The following APPL1 variants were observed in gnomAD, a reference collection of about 807,000 sequenced individuals.
APPL1 encodes adaptor protein, phosphotyrosine interacting with PH domain and leucine zipper 1, also known as DCC-interacting protein 13-alpha.
In APPL1, 42 loss-of-function variants were observed where a neutral mutation model predicts 106.8. That is an observed-to-expected ratio of 0.39 (90% confidence interval 0.31 to 0.51). APPL1 has a LOEUF of 0.51. Ranked by LOEUF, APPL1 falls within the 20% of genes least tolerant of loss-of-function variation. The pLI is 0.75. For missense variants in APPL1, 769 were observed against 858.2 expected (o/e 0.90, Z 1.30); for synonymous variants, 263 against 281.8 (o/e 0.93, Z 0.67).
intron 17 of APPL1, 47 bp downstream of exon 17, chr3:57,260,066 G>A (rs370742705): frequency 4.2e-5 from 67 of 1,606,558 alleles, no homozygotes; most frequent in Non-Finnish European, 5.6e-5. Flanking sequence ...ACATTTACAT[G>A]ATTTCAGCCT....
chr3:57,230,754 T>C (rs1297423001), intron 1 of APPL1: 1 of 456,604 alleles, frequency 2.2e-6, no homozygotes, highest in African/African-American at 2.1e-5. Context: ...ATATGAAGAC[T>C]TTTAAAGCTC....
chr3:57,250,013 A>G (rs1045094302), intron 11 of APPL1, among the ~76,000 whole-genome samples: 1 of 152,268 alleles, frequency 6.6e-6, no homozygotes, highest in Non-Finnish European at 1.5e-5. Flanking sequence ...TGTGAGGAAC[A>G]GAAATTCTAA....
intron 1 of APPL1, among the ~76,000 whole-genome samples, chr3:57,232,669 T>G (rs1480365213): frequency 6.6e-6 from 1 of 152,096 alleles, no homozygotes; most frequent in Non-Finnish European, 1.5e-5. Context: ...AGAATGATAA[T>G]GTATAGGAAA....
Position 57,260,658 on chromosome 3 carries a change from A to G in APPL1, c.1726A>G (p.Thr576Ala). Residue 576 changes from threonine (T) to alanine (A), a missense_variant, in exon 19 of 22, where the codon ACA (threonine) becomes GCA (alanine). By Grantham distance (58) the Thr-to-Ala change is moderately conservative. Transcript: ENST00000288266. ...ATTACCTTGTGTAGTTTTGTATGCT[A>G]CACACCAGGAAAATAAGCGCCTTTT... ...FPLPCVVLYA[T>A]HQENKRLFGF... The G allele has an allele frequency of 6.2e-7, 1 of 1,612,710 alleles. No individual in the cohort carries two copies. Among genetic ancestry groups the G allele is most frequent in the Non-Finnish European group, 8.5e-7 (1 of 1,179,190 alleles).
At chr3:57,259,104 T>C (rs1251126491) in intron 16 of APPL1, 24 bp downstream of exon 16, 2 of 1,591,822 alleles carry the variant, frequency 1.3e-6, no homozygotes, top group Admixed American at 3.4e-5. Flanking sequence ...GCAGCATTCA[T>C]ATATTTTAGA....
At chr3:57,259,702 C>T (rs2060855179) in intron 16 of APPL1, 143 bp from the exon 17 acceptor site, 11 of 667,382 alleles carry the variant, frequency 1.6e-5, no homozygotes, top group Admixed American at 3.5e-5. Context: ...GAAATGTCTC[C>T]CTTAGGCTGT....
intron 13 of APPL1, among the ~76,000 whole-genome samples, chr3:57,255,283 G>A (rs1199585594): frequency 6.6e-6 from 1 of 152,156 alleles, no homozygotes; most frequent in Non-Finnish European, 1.5e-5. Context: ...GGCAACTCCT[G>A]GCTGATGATT....
rs1043528843 is a variant in APPL1, at chr3:57,271,132, CTTTT to C, written c.*1451_*1454del. On this transcript the variant is annotated 3_prime_UTR_variant, in exon 22 of 22. Coordinates refer to ENST00000288266, the MANE Select transcript of APPL1 (RefSeq NM_012096.3). ...TTAATAATTTTACAAGGGAAAAAGC[CTTTT>C]TTTTTCTTTGATATACAGTTTTTTC... 1 of 150,752 alleles carries C rather than the reference CTTTT, an allele frequency of 6.6e-6. No individual in the cohort carries two copies. Among genetic ancestry groups the C allele is most frequent in the Non-Finnish European group, 1.5e-5 (1 of 67,536 alleles). 9.3% of individuals were successfully genotyped at this position (150,752 alleles called of 1,614,324 possible). A position where few individuals can be genotyped will look rare whatever the true frequency, so the allele number is the denominator to read the frequency against.
At chr3:57,239,931 T>A (rs2060736461) in intron 4 of APPL1, among the ~76,000 whole-genome samples, 1 of 152,146 alleles carries the variant, frequency 6.6e-6, no homozygotes, top group Non-Finnish European at 1.5e-5. Context: ...GTGGTTTTGA[T>A]TTGCATTTTC....
chr3:57,227,910 C>G lies in APPL1; in HGVS notation c.27C>G (p.Ile9Met), dbSNP rs2060661086. The change falls in exon 1 of 22, where the codon ATC (isoleucine) becomes ATG (methionine). Residue 9 changes from isoleucine to methionine, a missense_variant. By Grantham distance (10) the Ile-to-Met change is conservative. Coordinates refer to ENST00000288266, the MANE Select transcript of APPL1 (RefSeq NM_012096.3). ...TGCCGGGGATCGACAAGCTGCCCAT[C>G]GAGGAGACGCTGGAGGACAGCCCGC... MPGIDKLP[I>M]EETLEDSPQT... 2 of 1,470,888 alleles carry G rather than the reference C, an allele frequency of 1.4e-6. No individual in the cohort carries two copies. The highest frequency in any genetic ancestry group is 9.0e-7 in the Non-Finnish European group (1 of 1,108,166). The allele number at this position is 1,470,888 out of a possible 1,614,324, so 91.1% of individuals were successfully genotyped here.
rs550808268 is a variant in APPL1 at position 57,256,837 on chromosome 3, G to T, written c.1153-120G>T. On this transcript the variant is annotated intron_variant, in intron 13 of 21. Coordinates refer to ENST00000288266, the MANE Select transcript of APPL1 (RefSeq NM_012096.3). ...GACGAGGGAATATAGTACTACTTTA[G>T]TAGCTCTAATTTATATTTTAAGTGT... 7 of 744,042 alleles carry T rather than the reference G, an allele frequency of 9.4e-6. No individual in the cohort carries two copies. The East Asian group carries it at 1.8e-4, about 19-fold the overall frequency. The allele number at this position is 744,042 out of a possible 1,614,324, so 46.1% of individuals were successfully genotyped here. A position where few individuals can be genotyped will look rare whatever the true frequency, so the allele number is the denominator to read the frequency against.
chr3:57,259,703 C>T (rs1325921389), intron 16 of APPL1, 142 bp from the exon 17 acceptor site: 1 of 674,330 alleles, frequency 1.5e-6, no homozygotes, highest in East Asian at 3.0e-5. Flanking sequence ...AAATGTCTCC[C>T]TTAGGCTGTT....
chr3:57,259,924 T>G lies in APPL1; in HGVS notation c.1563T>G (p.Val521=). The G allele has an allele frequency of 6.2e-7, 1 of 1,613,880 alleles. No individual in the cohort carries two copies. The highest frequency in any genetic ancestry group is 8.5e-7 in the Non-Finnish European group (1 of 1,179,986). Residue 521 remains valine, a synonymous_variant, in exon 17 of 22, where the codon GTT becomes GTG. Coordinates refer to ENST00000288266, the MANE Select transcript of APPL1 (RefSeq NM_012096.3). ...EVKSDDHPDV[V]YETMRQILAA... is the part of the protein sequence containing the mutation. ...AATCAGATGACCATCCAGATGTTGT[T>G]TATGAAACTATGCGCCAAATCTTAG...
intron 19 of APPL1, among the ~76,000 whole-genome samples, chr3:57,261,659 C>G (rs2060866158): frequency 6.6e-6 from 1 of 152,166 alleles, no homozygotes; most frequent in Admixed American, 6.5e-5. Context: ...GCTGGGATTA[C>G]AGGTGCCTGC....
At chr3:57,259,204 C>T in intron 16 of APPL1, 124 bp downstream of exon 16, 1 of 732,944 alleles carries the variant, frequency 1.4e-6, no homozygotes, top group Non-Finnish European at 2.2e-6. Flanking sequence ...TTCAGAATTT[C>T]CTCTACTTAC....
chr3:57,262,384 C>CTTTTTTTTTTT (rs1281642126), intron 19 of APPL1, among the ~76,000 whole-genome samples: 15 of 17,940 alleles, frequency 8.4e-4, no homozygotes, highest in African/African-American at 3.1e-3. Flanking sequence ...TGGAAAATAA[C>CTTTTTTTTTTT]CTTTTTTTTT....
At chr3:57,269,307 AAAAG>A (rs1318353290) in intron 21 of APPL1, 5 of 427,594 alleles carry the variant, frequency 1.2e-5, no homozygotes, top group South Asian at 8.5e-5. Flanking sequence ...TGGTCATAAA[AAAAG>A]AAAGATAAAA....
chr3:57,262,977 G>C (rs555810512), intron 19 of APPL1, among the ~76,000 whole-genome samples: 44 of 151,632 alleles, frequency 2.9e-4, no homozygotes, highest in Middle Eastern at 3.4e-3. Flanking sequence ...TCAGCCTCCT[G>C]AGTAGCTGGG....
rs139463511 is a variant in APPL1, at chr3:57,260,034, C to G, written c.1658+15C>G. On this transcript the variant is annotated intron_variant, in intron 17 of 21. Coordinates refer to ENST00000288266, the MANE Select transcript of APPL1 (RefSeq NM_012096.3). ...GACTGTTTAAAGTAAGTAAAACCCT[C>G]CCTTAAAAAACTGTAGAAAAAACAT... 1.2e-6 allele frequency: 2 copies of G among 1,609,276 alleles called. No homozygotes were observed. Among genetic ancestry groups the G allele is most frequent in the East Asian group, 2.2e-5 (1 of 44,792 alleles).
Sources: allele counts gnomAD v4.1 joint callset (sites outside exome capture counted in the v4.1 genomes callset), GRCh38; gene constraint gnomAD v4.1.1; transcripts MANE v1.5; gene names NCBI Gene and HGNC (gene_info 2026-07-23, HGNC 2026-07-21).